Variants in ARHGEF3 observed in about 807,000 individuals in gnomAD.
ARHGEF3 encodes Rho guanine nucleotide exchange factor 3.
In ARHGEF3, 28 loss-of-function variants were observed where a neutral mutation model predicts 63.2. That is an observed-to-expected ratio of 0.44 (90% CI 0.33 to 0.61). The LOEUF is 0.61. Ranked by LOEUF, ARHGEF3 falls within the 20% of genes least tolerant of loss-of-function variation. The probability of loss-of-function intolerance (pLI) is 0.03; values close to 1 mark genes in which losing one functional copy is unlikely to be tolerated. For missense variants in ARHGEF3, 533 were observed against 659.3 expected (o/e 0.81, Z 2.10); for synonymous variants, 266 against 254.2 (o/e 1.05, Z -0.44).
intron 2 of ARHGEF3, among the ~76,000 whole-genome samples, chr3:57,014,451 C>T (rs774651974): frequency 3.9e-5 from 6 of 152,080 alleles, no homozygotes; most frequent in African/African-American, 9.7e-5. Flanking sequence ...AGCAGGAAAT[C>T]GAGCCAAATA....
At chr3:56,920,332 A>C (rs1294177973) in intron 3 of ARHGEF3, among the ~76,000 whole-genome samples, 1 of 152,204 alleles carries the variant, frequency 6.6e-6, no homozygotes, top group Non-Finnish European at 1.5e-5. Flanking sequence ...ATTAGCACCA[A>C]AACTGGGACC....
At chr3:56,859,731 T>A (rs1012063694) in intron 4 of ARHGEF3, among the ~76,000 whole-genome samples, 7 of 150,464 alleles carry the variant, frequency 4.7e-5, no homozygotes, top group Middle Eastern at 3.2e-3. Context: ...TAGAGACAGG[T>A]TTTGCCATGT....
chr3:56,942,226 C>T (rs1474258856), intron 3 of ARHGEF3, among the ~76,000 whole-genome samples: 1 of 152,236 alleles, frequency 6.6e-6, no homozygotes, highest in African/African-American at 2.4e-5. Flanking sequence ...GCAGGTGCCA[C>T]AAACTGAAGG....
chr3:56,774,908 A>T, intron 1 of ARHGEF3: 1 of 1,131,974 alleles, frequency 8.8e-7, no homozygotes, highest in Non-Finnish European at 1.2e-6. Flanking sequence ...AAAACAAACA[A>T]ACAAACAACA....
chr3:57,038,834 C>T (rs1704064761), intron 1 of ARHGEF3, among the ~76,000 whole-genome samples: 1 of 152,304 alleles, frequency 6.6e-6, no homozygotes, highest in South Asian at 2.1e-4. Context: ...ACAGAGGCTC[C>T]TCTCATCTGC....
At chr3:57,061,602 G>A (rs1245798578) in intron 1 of ARHGEF3, among the ~76,000 whole-genome samples, 1 of 152,184 alleles carries the variant, frequency 6.6e-6, no homozygotes, top group African/African-American at 2.4e-5. Context: ...GGGAACATGG[G>A]AATGCAAGTA....
At chr3:56,761,962 G>T (rs1482304718) in intron 2 of ARHGEF3, among the ~76,000 whole-genome samples, 1 of 152,178 alleles carries the variant, frequency 6.6e-6, no homozygotes, top group African/African-American at 2.4e-5. Flanking sequence ...TTGGCCTGTA[G>T]AAAGTTTCTC....
At chr3:56,806,277 C>T (rs59475336), upstream of ARHGEF3, among the ~76,000 whole-genome samples, 11,227 of 152,186 alleles carry the variant, frequency 0.074, 823 homozygotes, top group East Asian at 0.24. Flanking sequence ...GGAGGGCCTC[C>T]AAGCATATCC....
chr3:56,986,642 G>C (rs1296272937), intron 2 of ARHGEF3, among the ~76,000 whole-genome samples: 1 of 152,088 alleles, frequency 6.6e-6, no homozygotes, highest in African/African-American at 2.4e-5. Context: ...CTGTGAAAGG[G>C]GAGTCCATGA....
chr3:56,737,377 T>G, intron 7 of ARHGEF3, 22 bp from the exon 8 acceptor site: 1 of 1,594,412 alleles, frequency 6.3e-7, no homozygotes, highest in Non-Finnish European at 8.6e-7. Context: ...AAGAGGAAAA[T>G]TAAGTATGGA....
intron 4 of ARHGEF3, among the ~76,000 whole-genome samples, chr3:56,872,512 C>CT (rs71621849): frequency 0.52 from 71,417 of 137,300 alleles, 19,059 homozygotes; most frequent in Non-Finnish European, 0.56. Flanking sequence ...TTTTCATATA[C>CT]TTTTTTTTTT....
At chr3:56,974,316 AT>A (rs975531339) in intron 2 of ARHGEF3, among the ~76,000 whole-genome samples, 1 of 152,086 alleles carries the variant, frequency 6.6e-6, no homozygotes, top group Non-Finnish European at 1.5e-5. Flanking sequence ...TAAATATCGA[AT>A]TTTTCATGCT....
At position 56,904,024 on chromosome 3, in the gene ARHGEF3, A is replaced by AATAT. The variant is rs150901097; in HGVS notation, c.130-21674_130-21671dup. 1.9e-4 allele frequency among the ~76,000 whole-genome samples: 28 copies of AATAT among 150,394 alleles called. 2 individuals carry two copies. The South Asian group carries it at 5.3e-3, about 29-fold the overall frequency. On this transcript the variant is annotated intron_variant, in intron 3 of 12. Coordinates refer to the ARHGEF3 transcript ENST00000338458. ...AAGCAGGTACATGCTACCATGCCTA[A>AATAT]ATATATATATATATGTATTTTTTGA...
At chr3:56,973,051 C>G (rs1460984018) in intron 2 of ARHGEF3, among the ~76,000 whole-genome samples, 1 of 150,630 alleles carries the variant, frequency 6.6e-6, no homozygotes, top group African/African-American at 2.4e-5. Flanking sequence ...GAGTCTCGCT[C>G]TGTCGCCCAG....
chr3:56,827,625 C>T (rs761376527), intron 4 of ARHGEF3, among the ~76,000 whole-genome samples: 18 of 151,658 alleles, frequency 1.2e-4, no homozygotes, highest in South Asian at 2.1e-4. Context: ...AAATTAAGAG[C>T]GTACCCTGGC....
At chr3:56,921,724 G>C (rs994419884) in intron 3 of ARHGEF3, among the ~76,000 whole-genome samples, 1 of 152,214 alleles carries the variant, frequency 6.6e-6, no homozygotes, top group African/African-American at 2.4e-5. Flanking sequence ...GTGAACATTT[G>C]AAAATGTTGA....
chr3:57,067,379 C>A (rs1219662586), intron 1 of ARHGEF3, among the ~76,000 whole-genome samples: 2 of 151,208 alleles, frequency 1.3e-5, no homozygotes, highest in Non-Finnish European at 2.9e-5. Flanking sequence ...GGCGTGAACC[C>A]AGGAGGCAGA....
chr3:57,017,028 TCTCTCACACACACACACACA>T (rs775965511), intron 2 of ARHGEF3, among the ~76,000 whole-genome samples: 2 of 127,518 alleles, frequency 1.6e-5, no homozygotes, highest in East Asian at 2.4e-4. Flanking sequence ...TCTCTCTCTC[TCTCTCACACACACACACACA>T]CACACACACA....
intron 2 of ARHGEF3, among the ~76,000 whole-genome samples, chr3:56,978,736 C>T (rs143582874): frequency 4.6e-5 from 7 of 152,210 alleles, no homozygotes; most frequent in Admixed American, 1.3e-4. Flanking sequence ...TTCATCCTAA[C>T]GATAATTAAT....
Sources: gnomAD v4.1 joint callset for allele counts (sites outside exome capture counted in the v4.1 genomes callset) on GRCh38, gnomAD v4.1.1 for gene constraint, MANE v1.5 for transcripts, NCBI Gene and HGNC (gene_info 2026-07-23, HGNC 2026-07-21) for gene names.